Variants in PRKD1 observed in about 807,000 individuals in gnomAD.
The protein encoded by PRKD1 is protein kinase D1.
In PRKD1, 63 loss-of-function variants were observed where a neutral mutation model predicts 95.9. The ratio of observed to expected loss-of-function variants is 0.66; its 90% CI spans 0.54 to 0.81. PRKD1 has a LOEUF of 0.81. PRKD1 is among the 30% of genes least tolerant of loss of function. The pLI is 0.00. For missense variants in PRKD1, 1,048 were observed against 1,165.3 expected (o/e 0.90, Z 1.47); for synonymous variants, 425 against 423.1 (o/e 1.00, Z -0.05).
intron 1 of PRKD1, among the ~76,000 whole-genome samples, chr14:29,738,832 C>CTT (rs71443330): frequency 2.8e-4 from 38 of 137,448 alleles, no homozygotes; most frequent in Middle Eastern, 3.8e-3. Flanking sequence ...TTTCTTTTTT[C>CTT]TTTTTTTTTT....
At chr14:29,664,347 T>C (rs1035767470) in intron 3 of PRKD1, among the ~76,000 whole-genome samples, 1 of 152,194 alleles carries the variant, frequency 6.6e-6, no homozygotes, top group Admixed American at 6.5e-5. Flanking sequence ...AACTACCTTG[T>C]AGAATTACTA....
chr14:29,825,720 A>G (rs892496792), intron 1 of PRKD1, among the ~76,000 whole-genome samples: 3 of 152,086 alleles, frequency 2.0e-5, no homozygotes, highest in Non-Finnish European at 4.4e-5. Context: ...AGGCTCACCA[A>G]TATTTTGTCA....
chr14:29,599,847 A>T, intron 13 of PRKD1, 30 bp from the exon 14 acceptor site: 1 of 1,587,358 alleles, frequency 6.3e-7, no homozygotes, highest in Non-Finnish European at 8.6e-7. Flanking sequence ...CACTTGAAGA[A>T]AATGAGTTTT....
chr14:29,624,714 T>G (rs984198244), intron 12 of PRKD1, among the ~76,000 whole-genome samples: 1 of 152,142 alleles, frequency 6.6e-6, no homozygotes, highest in African/African-American at 2.4e-5. Flanking sequence ...TCACTCACTC[T>G]TTCTGAATTT....
chr14:29,888,994 C>A (rs1050799802), intron 1 of PRKD1, among the ~76,000 whole-genome samples: 2 of 152,176 alleles, frequency 1.3e-5, no homozygotes, highest in Non-Finnish European at 1.5e-5. Context: ...TTCCTATCCC[C>A]TAAACTGTGG....
chr14:29,668,071 T>A (rs1451245769), intron 2 of PRKD1, among the ~76,000 whole-genome samples: 4 of 152,184 alleles, frequency 2.6e-5, no homozygotes, highest in East Asian at 3.8e-4. Flanking sequence ...AATACATTTT[T>A]AAAATAAAAC....
At chr14:29,627,315 C>A (rs1175104700) in intron 11 of PRKD1, among the ~76,000 whole-genome samples, 1 of 152,162 alleles carries the variant, frequency 6.6e-6, no homozygotes, top group Non-Finnish European at 1.5e-5. Flanking sequence ...CACCCACATG[C>A]AGATGAACCC....
chr14:29,879,016 A>G (rs1438966545), intron 1 of PRKD1, among the ~76,000 whole-genome samples: 1 of 152,170 alleles, frequency 6.6e-6, no homozygotes, highest in Non-Finnish European at 1.5e-5. Context: ...TCTCCTCCTT[A>G]TAGTAAAAGT....
chr14:29,854,257 A>G (rs1892416602), intron 1 of PRKD1, among the ~76,000 whole-genome samples: 5 of 152,172 alleles, frequency 3.3e-5, no homozygotes, highest in Admixed American at 3.3e-4. Context: ...AACTTCCTAG[A>G]GACTTGTTGA....
chr14:29,794,188 T>A (rs1355379473), intron 1 of PRKD1, among the ~76,000 whole-genome samples: 1 of 152,064 alleles, frequency 6.6e-6, no homozygotes, highest in Non-Finnish European at 1.5e-5. Context: ...GTTTTTATTT[T>A]ATTCATACAA....
At chr14:29,652,303 A>G (rs1881560008) in intron 4 of PRKD1, among the ~76,000 whole-genome samples, 1 of 152,124 alleles carries the variant, frequency 6.6e-6, no homozygotes, top group Admixed American at 6.5e-5. Flanking sequence ...TAAGACCTAT[A>G]TATTAGTAAG....
chr14:29,738,493 C>A (rs1886830911), intron 1 of PRKD1, among the ~76,000 whole-genome samples: 1 of 152,214 alleles, frequency 6.6e-6, no homozygotes, highest in Admixed American at 6.5e-5. Flanking sequence ...GGTTGAATTA[C>A]TGAGGTCTCT....
chr14:29,612,679 A>G (rs1378018013), intron 13 of PRKD1, among the ~76,000 whole-genome samples: 1 of 152,116 alleles, frequency 6.6e-6, no homozygotes, highest in Non-Finnish European at 1.5e-5. Context: ...TTCTTATAAT[A>G]GATAGTTGTT....
intron 1 of PRKD1, among the ~76,000 whole-genome samples, chr14:29,785,285 CT>C (rs1295232410): frequency 6.6e-6 from 1 of 152,118 alleles, no homozygotes; most frequent in Non-Finnish European, 1.5e-5. Flanking sequence ...ATGACAACCT[CT>C]TTGGTCAAAT....
At chr14:29,869,056 T>A (rs1893012453) in intron 1 of PRKD1, among the ~76,000 whole-genome samples, 1 of 152,178 alleles carries the variant, frequency 6.6e-6, no homozygotes, top group South Asian at 2.1e-4. Context: ...TCCTAAATTC[T>A]AGAATCCTAC....
intron 13 of PRKD1, among the ~76,000 whole-genome samples, chr14:29,616,299 G>A (rs1347495388): frequency 7.2e-6 from 1 of 138,988 alleles, no homozygotes; most frequent in East Asian, 2.1e-4. Context: ...TTTAAGAAAG[G>A]TGTAGAAACC....
chr14:29,845,372 A>AC (rs1222228802), intron 1 of PRKD1, among the ~76,000 whole-genome samples: 4 of 152,214 alleles, frequency 2.6e-5, no homozygotes, highest in Admixed American at 2.6e-4. Context: ...TAAAGTATTT[A>AC]CCACCTATAA....
In PRKD1 at chr14:29,632,735, A is replaced by G. The variant is rs45511592; in HGVS notation, c.1392+134T>C. ...AAGAAATTTGTAGACTATAGAGAAG[A>G]AAAAAAAAATAGTTCCTGGAGGAAG... On this transcript the variant is annotated intron_variant, in intron 9 of 17. Transcript: ENST00000331968. 9.3e-3 allele frequency: 5,746 copies of G among 618,072 alleles called. 137 individuals carry two copies. Among genetic ancestry groups the G allele is most frequent in the African/African-American group, 0.068 (3,588 of 53,014 alleles). 38.3% of individuals were successfully genotyped at this position (618,072 alleles called of 1,614,324 possible).
At position 29,714,405 on chromosome 14, in the gene PRKD1, G is replaced by C. The variant is rs1018680977; in HGVS notation, c.403+11131C>G. Among the ~76,000 whole-genome samples the C allele has an allele frequency of 2.0e-5, 3 of 152,122 alleles. No homozygotes were observed. The East Asian group carries it at 5.8e-4, about 29-fold the overall frequency. On this transcript the variant is annotated intron_variant, in intron 2 of 17. Transcript: ENST00000331968. ...GAGAAATGCAAATCAAAACCACAAT[G>C]AGATACCATCTCACACCAGTTAGAA...
Sources: gnomAD v4.1 joint callset for allele counts (sites outside exome capture counted in the v4.1 genomes callset) on GRCh38, gnomAD v4.1.1 for gene constraint, MANE v1.5 for transcripts, NCBI Gene and HGNC (gene_info 2026-07-23, HGNC 2026-07-21) for gene names.